The following GMDS variants were observed in gnomAD, a reference collection of about 807,000 sequenced individuals.
The protein encoded by GMDS is GDP-mannose 4,6-dehydratase.
A neutral mutation model predicts 49.9 loss-of-function variants in GMDS; 20 were observed. The observed-to-expected ratio is 0.40, with a 90% CI of 0.28 to 0.58. The LOEUF (loss-of-function observed/expected upper bound fraction) is 0.58. Ranked by LOEUF, GMDS falls within the 20% of genes least tolerant of loss-of-function variation. The probability of loss-of-function intolerance (pLI) is 0.42; values close to 1 mark genes in which losing one functional copy is unlikely to be tolerated. For missense variants in GMDS, 362 were observed against 481.4 expected, an observed-to-expected ratio of 0.75 and a Z score of 2.32; for synonymous variants, 177 against 178.6, an observed-to-expected ratio of 0.99 and a Z score of 0.07.
At chr6:2,106,448 T>G (rs1228689306) in intron 4 of GMDS, among the ~76,000 whole-genome samples, 1 of 152,188 alleles carries the variant, frequency 6.6e-6, no homozygotes, top group Non-Finnish European at 1.5e-5. Flanking sequence ...AAAGAGGTAT[T>G]AAGTCTAATT....
intron 7 of GMDS, among the ~76,000 whole-genome samples, chr6:1,918,178 G>A (rs544868277): frequency 1.2e-4 from 18 of 152,148 alleles, no homozygotes; most frequent in African/African-American, 3.9e-4. Context: ...AGAGTGTGAC[G>A]GTTTTCCATA....
chr6:1,811,641 C>T (rs1770434777), intron 7 of GMDS, among the ~76,000 whole-genome samples: 1 of 144,462 alleles, frequency 6.9e-6, no homozygotes. Context: ...CCTGTTACAA[C>T]AAGCATTTGA....
intron 7 of GMDS, among the ~76,000 whole-genome samples, chr6:1,878,287 C>G (rs1390960946): frequency 7.2e-6 from 1 of 138,570 alleles, no homozygotes; most frequent in Non-Finnish European, 1.5e-5. Context: ...TGCACTCCAG[C>G]CTGGGTGACA....
intron 9 of GMDS, among the ~76,000 whole-genome samples, chr6:1,641,702 A>G (rs1211682654): frequency 7.2e-6 from 1 of 138,300 alleles, no homozygotes; most frequent in Admixed American, 7.0e-5. Context: ...CTCTCGGATG[A>G]TTTCTCTCTC....
chr6:1,987,426 G>T (rs1765621303), intron 4 of GMDS, among the ~76,000 whole-genome samples: 1 of 152,054 alleles, frequency 6.6e-6, no homozygotes, highest in Non-Finnish European at 1.5e-5. Flanking sequence ...GACACATTGA[G>T]TATTTGCAAA....
chr6:1,655,728 C>T (rs1207644508), intron 9 of GMDS, among the ~76,000 whole-genome samples: 1 of 152,202 alleles, frequency 6.6e-6, no homozygotes, highest in East Asian at 1.9e-4. Flanking sequence ...TGGTCTCAAA[C>T]TTCTGATCTC....
intron 6 of GMDS, among the ~76,000 whole-genome samples, chr6:1,956,964 G>A (rs1763672855): frequency 6.6e-6 from 1 of 151,804 alleles, no homozygotes; most frequent in South Asian, 2.1e-4. Flanking sequence ...ACCACACTCA[G>A]CTAATTTTTT....
intron 1 of GMDS, among the ~76,000 whole-genome samples, chr6:2,146,683 G>A (rs759752956): frequency 4.6e-5 from 7 of 152,038 alleles, no homozygotes; most frequent in Non-Finnish European, 8.8e-5. Flanking sequence ...TTAACAACAC[G>A]CCCCTCTCAA....
chr6:1,773,819 C>T (rs1398186888), intron 7 of GMDS, among the ~76,000 whole-genome samples: 2 of 152,212 alleles, frequency 1.3e-5, no homozygotes, highest in Non-Finnish European at 2.9e-5. Flanking sequence ...AGGAGAGTTT[C>T]ACATGAAAGG....
chr6:1,663,141 C>G (rs1236403045), intron 9 of GMDS, among the ~76,000 whole-genome samples: 1 of 152,180 alleles, frequency 6.6e-6, no homozygotes. Context: ...TAGGAGCAGA[C>G]TGTAGCTTTT....
Position 1,655,490 on chromosome 6 carries a change from C to CAG in GMDS, c.988-30951_988-30950insCT, listed in dbSNP as rs1196250288. Among the ~76,000 whole-genome samples the CAG allele has an allele frequency of 1.1e-4, 5 of 46,718 alleles. No homozygotes were observed. The East Asian group carries it at 2.0e-3, about 19-fold the overall frequency. The allele number at this position is 46,718 out of a possible 152,430, so 30.6% of individuals were successfully genotyped here. On this transcript the variant is annotated intron_variant, in intron 9 of 10. Transcript: ENST00000380815. ...TTTGAAAGCCTTACACACACACACA[C>CAG]ACACATACACACACACACACACACA...
chr6:1,898,357 G>A (rs1760327112), intron 7 of GMDS, among the ~76,000 whole-genome samples: 1 of 152,206 alleles, frequency 6.6e-6, no homozygotes, highest in African/African-American at 2.4e-5. Flanking sequence ...CTTAGAAACT[G>A]CCTAGTTGAG....
intron 1 of GMDS, among the ~76,000 whole-genome samples, chr6:2,151,688 A>G (rs959524082): frequency 1.3e-5 from 2 of 152,126 alleles, no homozygotes; most frequent in Non-Finnish European, 2.9e-5. Context: ...CTGAAAATTT[A>G]TGCACCTTAA....
At chr6:1,985,007 C>A (rs1228470276) in intron 4 of GMDS, among the ~76,000 whole-genome samples, 1 of 152,076 alleles carries the variant, frequency 6.6e-6, no homozygotes, top group Non-Finnish European at 1.5e-5. Flanking sequence ...CTAAAAGCAC[C>A]TAGTGAAGAG....
At chr6:2,144,485 T>C (rs950543599) in intron 1 of GMDS, among the ~76,000 whole-genome samples, 1 of 152,192 alleles carries the variant, frequency 6.6e-6, no homozygotes, top group Non-Finnish European at 1.5e-5. Context: ...AGTTGAATAA[T>C]TTCAGCAGGC....
At chr6:1,963,033 C>G (rs1251660539) in intron 4 of GMDS, among the ~76,000 whole-genome samples, 8 of 151,600 alleles carry the variant, frequency 5.3e-5, no homozygotes, top group Admixed American at 5.3e-4. Flanking sequence ...TGCACCACCA[C>G]GCCCAGCTAA....
At chr6:2,140,184 T>C (rs1776216975) in intron 1 of GMDS, among the ~76,000 whole-genome samples, 1 of 152,152 alleles carries the variant, frequency 6.6e-6, no homozygotes, top group Non-Finnish European at 1.5e-5. Context: ...TCGTGGATTA[T>C]CTGGGTGAAC....
At chr6:1,651,548 G>A (rs1044270203) in intron 9 of GMDS, among the ~76,000 whole-genome samples, 3 of 152,184 alleles carry the variant, frequency 2.0e-5, no homozygotes, top group Non-Finnish European at 2.9e-5. Context: ...GTTGGGGGCC[G>A]CACCCAGGGC....
At chr6:1,693,827 C>T (rs1231389560) in intron 9 of GMDS, among the ~76,000 whole-genome samples, 3 of 152,140 alleles carry the variant, frequency 2.0e-5, no homozygotes, top group Non-Finnish European at 4.4e-5. Flanking sequence ...TTACTGAGCA[C>T]GTGCTATGTA....
Sources: gnomAD v4.1 joint callset for allele counts (sites outside exome capture counted in the v4.1 genomes callset) on GRCh38, gnomAD v4.1.1 for gene constraint, MANE v1.5 for transcripts, NCBI Gene and HGNC (gene_info 2026-07-23, HGNC 2026-07-21) for gene names.